The following CPT1C variants were observed in gnomAD, a reference collection of about 807,000 sequenced individuals.
CPT1C encodes the protein carnitine palmitoyltransferase 1C, also known as palmitoyl thioesterase CPT1C.
In CPT1C, 61 loss-of-function variants were observed where a neutral mutation model predicts 97.3. That is an observed-to-expected ratio of 0.63 (90% CI 0.51 to 0.78). The LOEUF (loss-of-function observed/expected upper bound fraction) is 0.78, where lower values mean the gene tolerates loss of function less well. Among genes scored for constraint, CPT1C ranks in the 30% least tolerant of loss-of-function variants. CPT1C has a pLI of 0.00. For missense variants in CPT1C, 975 were observed against 1,065.5 expected (o/e 0.92, Z 1.18); for synonymous variants, 469 against 447.2 (o/e 1.05, Z -0.61).
intron 13 of CPT1C, among the ~76,000 whole-genome samples, chr19:49,708,158 C>T (rs1006282041): frequency 2.0e-5 from 3 of 151,754 alleles, no homozygotes; most frequent in African/African-American, 7.3e-5. Flanking sequence ...AGTGATTTTC[C>T]CAGAGTCACA....
intron 14 of CPT1C, among the ~76,000 whole-genome samples, 188 bp from the exon 15 acceptor site, chr19:49,710,132 G>A (rs183439888): frequency 2.4e-4 from 37 of 152,286 alleles, no homozygotes; most frequent in African/African-American, 6.0e-4. Context: ...ACAGGCGTGC[G>A]CCACCACGCC....
intron 4 of CPT1C, among the ~76,000 whole-genome samples, chr19:49,700,199 AT>A (rs2082923596): frequency 6.6e-6 from 1 of 151,864 alleles, no homozygotes; most frequent in Admixed American, 6.6e-5. Context: ...GTGAGCCGAG[AT>A]AGCACCACAG....
chr19:49,694,234 T>C (rs1018901463), intron 3 of CPT1C, among the ~76,000 whole-genome samples: 1 of 151,494 alleles, frequency 6.6e-6, no homozygotes, highest in African/African-American at 2.4e-5. Context: ...AAATATAGGG[T>C]ATGGTGACAT....
intron 16 of CPT1C, chr19:49,711,511 C>A: frequency 2.4e-6 from 1 of 420,118 alleles, no homozygotes; most frequent in Non-Finnish European, 4.3e-6. Flanking sequence ...ACCTGCCCTG[C>A]ACCTCTTCTC....
intron 4 of CPT1C, among the ~76,000 whole-genome samples, chr19:49,698,534 G>A (rs1195554860): frequency 1.3e-5 from 2 of 151,536 alleles, no homozygotes; most frequent in Non-Finnish European, 2.9e-5. Flanking sequence ...GTGGTGGTGC[G>A]CGCCTGTAGT....
At position 49,701,654 on chromosome 19, in the gene CPT1C, C is replaced by T; in HGVS notation, c.693+20C>T. ...AATTATGTGAGTCCCGCCACCGCCA[C>T]CAACGCCCCACCTGAAGGGCTAAGG... On this transcript the variant is annotated intron_variant, in intron 7 of 19. Coordinates refer to ENST00000598293, the MANE Select transcript of CPT1C (RefSeq NM_001199753.2). 6.3e-7 allele frequency: 1 copy of T among 1,582,492 alleles called. No individual in the cohort carries two copies. Among genetic ancestry groups the T allele is most frequent in the Non-Finnish European group, 8.6e-7 (1 of 1,159,164 alleles).
rs1329733347 is a variant in CPT1C at position 49,710,807 on chromosome 19, A to T, written c.1816A>T (p.Thr606Ser). The T allele has an allele frequency of 6.2e-7, 1 of 1,614,034 alleles. No homozygotes were observed. The highest frequency in any genetic ancestry group is 1.7e-5 in the Admixed American group (1 of 60,018). Residue 606 changes from threonine to serine, a missense_variant, in exon 16 of 20, where the codon ACG becomes TCG. Around this residue, in one of 3 missense-constraint regions of CPT1C, gnomAD observed 344 missense variants for 395.7 expected, o/e 0.87. Coordinates refer to ENST00000598293, the MANE Select transcript of CPT1C (RefSeq NM_001199753.2). ...EGRTETVRSC[T>S]REACNFVRAM... ...CCGGACGGAGACGGTGCGGTCTTGC[A>T]CGAGGGAGGCCTGCAACTTTGTCAG... is the stretch of plus-strand genomic sequence containing the variant.
At chr19:49,692,157 A>T in intron 2 of CPT1C, 82 bp from the exon 3 acceptor site, 1 of 1,401,366 alleles carries the variant, frequency 7.1e-7, no homozygotes, top group Non-Finnish European at 9.6e-7. Context: ...GGTATGAAGG[A>T]GGAGGAGGGG....
intron 3 of CPT1C, among the ~76,000 whole-genome samples, chr19:49,694,965 T>G (rs970189929): frequency 6.6e-6 from 1 of 151,836 alleles, no homozygotes; most frequent in Non-Finnish European, 1.5e-5. Context: ...ACAGTGAAAC[T>G]CCGTCTCTAC....
In CPT1C at chr19:49,700,712, G is replaced by A. The variant is rs531575078; in HGVS notation, c.310G>A (p.Val104Ile). Residue 104 changes from valine (V) to isoleucine (I), a missense_variant, in exon 5 of 20, where the codon GTC becomes ATC. Val to Ile is a conservative substitution (Grantham distance 29). This residue lies in a region of CPT1C where 596 missense variants were observed against 603.1 expected (regional missense o/e 0.99). Transcript: ENST00000598293. Reference sequence around the variant, plus strand: ...TGGACAACACCACGGGCTCCGGGGGGTCCTGGCAGCCGCGCTGTTTGCCTC... The same window carrying A: ...TGGACAACACCACGGGCTCCGGGGGATCCTGGCAGCCGCGCTGTTTGCCTC... ...WGGQHHGLRGVLAAALFASCL... is the reference protein window; with the variant it reads ...WGGQHHGLRGILAAALFASCL... The A allele has an allele frequency of 1.2e-5, 20 of 1,610,808 alleles. No homozygotes were observed. The highest frequency in any genetic ancestry group is 6.7e-5 in the East Asian group (3 of 44,886).
At chr19:49,696,281 T>C (rs979856171) in intron 3 of CPT1C, among the ~76,000 whole-genome samples, 1 of 152,110 alleles carries the variant, frequency 6.6e-6, no homozygotes, top group Non-Finnish European at 1.5e-5. Context: ...ACCTGGAATG[T>C]AGTAAGTGCT....
intron 14 of CPT1C, 74 bp downstream of exon 14, chr19:49,708,913 C>CGTTTAATCTGATGAT (rs2083672672): frequency 1.1e-6 from 1 of 934,252 alleles, no homozygotes; most frequent in Non-Finnish European, 1.7e-6. Context: ...ATCCCCACCC[C>CGTTTAATCTGATGAT]TAATCTGAAC....
At chr19:49,705,159 G>A in intron 9 of CPT1C, 45 bp downstream of exon 9, 1 of 1,613,616 alleles carries the variant, frequency 6.2e-7, no homozygotes, top group Non-Finnish European at 8.5e-7. Flanking sequence ...TGGTCCTGTG[G>A]CCTTTGGGCC....
In CPT1C at chr19:49,706,301, G is replaced by A. The variant is rs780577623; in HGVS notation, c.1231G>A (p.Ala411Thr). ...AAEALEAVEG[A>T]AFFVSLDAEP... ...GGAGGCCCTGGAGGCGGTGGAAGGGGCCGCTTTCTTTGTGTCACTGGATGC... is the reference window on the plus strand; with the variant it reads ...GGAGGCCCTGGAGGCGGTGGAAGGGACCGCTTTCTTTGTGTCACTGGATGC... Residue 411 changes from alanine to threonine, a missense_variant, in exon 12 of 20, where the codon GCC becomes ACC. Coordinates refer to ENST00000598293, the MANE Select transcript of CPT1C (RefSeq NM_001199753.2). The surrounding 1 kb of genome is among the most constrained non-coding windows in gnomAD (Gnocchi z 4.8). 1 of 1,533,576 alleles carries A rather than the reference G, an allele frequency of 6.5e-7. No individual in the cohort carries two copies. The allele number at this position is 1,533,576 out of a possible 1,614,324, so 95.0% of individuals were successfully genotyped here.
chr19:49,700,336 A>G, intron 4 of CPT1C, among the ~76,000 whole-genome samples: 1 of 152,112 alleles, frequency 6.6e-6, no homozygotes, highest in East Asian at 1.9e-4. Context: ...GCGCCCAGGA[A>G]TATGCATTTC....
rs2123526746 is a variant in CPT1C at position 49,712,755 on chromosome 19, A to T, written c.2039A>T (p.Gln680Leu). The T allele has an allele frequency of 6.2e-7, 1 of 1,613,602 alleles. No homozygotes were observed. ...CCTCAGGTCCATTCGGAGCAGTGGC[A>T]GCTGTCCACCAGCCAGATCCCTGTT... ...FLTQVHSEQW[Q>L]LSTSQIPVQQ... Residue 680 changes from glutamine to leucine, a missense_variant, in exon 18 of 20, where the codon CAG becomes CTG. By Grantham distance (113) the Gln-to-Leu change is moderately radical (BLOSUM62 -2). Around this residue, in one of 3 missense-constraint regions of CPT1C, gnomAD observed 344 missense variants for 395.7 expected, o/e 0.87. Transcript: ENST00000598293.
chr19:49,701,084 TACCCCCGAC>T (rs1257213159), intron 5 of CPT1C, among the ~76,000 whole-genome samples: 2 of 93,718 alleles, frequency 2.1e-5, no homozygotes, highest in Non-Finnish European at 2.2e-5. Context: ...TCTGGGTCTC[TACCCCCGAC>T]TCTCTCTGGG....
Position 49,701,340 on chromosome 19 carries a change from C to A in CPT1C, c.477C>A (p.Gly159=). 1 of 1,613,304 alleles carries A rather than the reference C, an allele frequency of 6.2e-7. No individual in the cohort carries two copies. The highest frequency in any genetic ancestry group is 8.5e-7 in the Non-Finnish European group (1 of 1,179,868). ...TWLALVRIFS[G]RHPMLFSYQR... Reference sequence around the variant, plus strand: ...AGGCCCTGGTCCGCATCTTCTCTGGCCGCCACCCGATGCTGTTCAGTTACC... The same window carrying A: ...AGGCCCTGGTCCGCATCTTCTCTGGACGCCACCCGATGCTGTTCAGTTACC... The change falls in exon 6 of 20, where the codon GGC becomes GGA. Residue 159 remains glycine, a synonymous_variant. Transcript: ENST00000598293.
rs2083406013 is a variant in CPT1C, at chr19:49,704,778, T to C, written c.762T>C (p.Tyr254=). ...SRNPLMVNSN[Y]YMMDFLYVTP... The stretch of plus-strand genomic sequence containing the variant: ...ATCCGCTGATGGTGAACAGCAACTA[T>C]TACATGATGGTGAGAAGGGGAGGGG... Residue 254 remains tyrosine, a synonymous_variant, in exon 8 of 20, where the codon TAT becomes TAC. Coordinates refer to ENST00000598293, the MANE Select transcript of CPT1C (RefSeq NM_001199753.2). 2 of 1,613,948 alleles carry C rather than the reference T, an allele frequency of 1.2e-6. No homozygotes were observed. Among genetic ancestry groups the C allele is most frequent in the Non-Finnish European group, 1.7e-6 (2 of 1,179,940 alleles).
Sources: allele counts gnomAD v4.1 joint callset (sites outside exome capture counted in the v4.1 genomes callset), GRCh38; gene constraint gnomAD v4.1.1; regional missense constraint gnomAD v4.1.1; non-coding constraint Gnocchi (gnomAD v3.1); transcripts MANE v1.5; gene names NCBI Gene and HGNC (gene_info 2026-07-23, HGNC 2026-07-21).